Variants in RANBP2 observed in about 807,000 individuals in gnomAD.
RANBP2 encodes E3 SUMO-protein ligase RanBP2.
In RANBP2, 57 loss-of-function variants were observed where a neutral mutation model predicts 303.6. The ratio of observed to expected loss-of-function variants is 0.19; its 90% confidence interval spans 0.15 to 0.23. The LOEUF (loss-of-function observed/expected upper bound fraction) is 0.23, where lower values mean the gene tolerates loss of function less well. Ranked by LOEUF, RANBP2 falls within the 10% of genes least tolerant of loss-of-function variation. RANBP2 has a pLI of 1.00. For missense variants in RANBP2, 3,138 were observed against 3,780.8 expected (o/e 0.83, Z 4.46); for synonymous variants, 1,167 against 1,301.5 (o/e 0.90, Z 2.23).
At chr2:109,225,100 T>G in the RANBP2 span, among the ~76,000 whole-genome samples, 3 of 152,176 alleles carry the variant, frequency 2.0e-5, no homozygotes, top group African/African-American at 7.2e-5. Flanking sequence ...CCAACTAAGC[T>G]GGATGACACC....
At chr2:108,862,076 A>AC in the RANBP2 span, among the ~76,000 whole-genome samples, 6 of 50,464 alleles carry the variant, frequency 1.2e-4, no homozygotes, top group Admixed American at 3.2e-4. Flanking sequence ...GTATGATTTC[A>AC]GTTTTTTTTT....
the RANBP2 span, chr2:109,564,508 C>A: frequency 6.5e-7 from 1 of 1,547,336 alleles, no homozygotes; most frequent in Admixed American, 1.8e-5. Flanking sequence ...CGCAGCTTTA[C>A]AAAGTCACAG....
At chr2:109,114,053 A>T in the RANBP2 span, among the ~76,000 whole-genome samples, 1 of 152,010 alleles carries the variant, frequency 6.6e-6, no homozygotes, top group Non-Finnish European at 1.5e-5. Flanking sequence ...TTTATTGAGG[A>T]TTTTTGCATC....
At chr2:108,936,632 C>T in the RANBP2 span, among the ~76,000 whole-genome samples, 2 of 152,200 alleles carry the variant, frequency 1.3e-5, no homozygotes, top group Non-Finnish European at 2.9e-5. Context: ...CACTTCCCAT[C>T]AACCCAGACA....
chr2:108,873,273 G>A, the RANBP2 span: 4 of 210,080 alleles, frequency 1.9e-5, no homozygotes, highest in Admixed American at 8.2e-5. Flanking sequence ...TTGAATAAGA[G>A]CCAGTGGATG....
At chr2:108,965,452 G>T in the RANBP2 span, among the ~76,000 whole-genome samples, 2 of 128,250 alleles carry the variant, frequency 1.6e-5, no homozygotes, top group African/African-American at 6.0e-5. Context: ...GAGACAGAGC[G>T]AGATTTCGTC....
At chr2:109,714,990 G>A in the RANBP2 span, among the ~76,000 whole-genome samples, 2 of 150,338 alleles carry the variant, frequency 1.3e-5, no homozygotes, top group African/African-American at 2.4e-5. Flanking sequence ...GGGGCGGGGC[G>A]TGGAGTTTCG....
At chr2:108,874,392 C>T in the RANBP2 span, among the ~76,000 whole-genome samples, 2 of 152,130 alleles carry the variant, frequency 1.3e-5, no homozygotes, top group African/African-American at 4.8e-5. Context: ...AGTTACTAAA[C>T]TATAAATAAG....
intron 7 of RANBP2, among the ~76,000 whole-genome samples, chr2:108,744,436 A>C (rs1362166374): frequency 6.6e-6 from 1 of 151,770 alleles, no homozygotes; most frequent in Non-Finnish European, 1.5e-5. Flanking sequence ...GTGAATTGAG[A>C]TGATTTGATT....
chr2:109,362,406 T>C, the RANBP2 span, among the ~76,000 whole-genome samples: 1 of 152,248 alleles, frequency 6.6e-6, no homozygotes, highest in Non-Finnish European at 1.5e-5. Flanking sequence ...TCTAATTTAA[T>C]GCTATTGTGG....
chr2:109,725,741 T>C, the RANBP2 span, among the ~76,000 whole-genome samples: 4 of 152,140 alleles, frequency 2.6e-5, no homozygotes, highest in Non-Finnish European at 5.9e-5. Flanking sequence ...TTTTCTTTTT[T>C]TTCTTTTTTG....
the RANBP2 span, among the ~76,000 whole-genome samples, chr2:109,495,113 A>G: frequency 6.6e-6 from 1 of 152,236 alleles, no homozygotes; most frequent in African/African-American, 2.4e-5. Context: ...TCCTTCCAAG[A>G]GGACCTCATC....
chr2:109,495,730 G>T, the RANBP2 span, among the ~76,000 whole-genome samples: 64 of 152,130 alleles, frequency 4.2e-4, no homozygotes, highest in African/African-American at 1.5e-3. Context: ...GGCCACAAGT[G>T]ATCCGCCCAC....
At chr2:108,984,010 C>T in the RANBP2 span, among the ~76,000 whole-genome samples, 1 of 152,196 alleles carries the variant, frequency 6.6e-6, no homozygotes, top group African/African-American at 2.4e-5. Context: ...ATGTCTGTTG[C>T]TAAGTGTTCT....
chr2:109,336,055 G>A, the RANBP2 span, among the ~76,000 whole-genome samples: 2 of 152,266 alleles, frequency 1.3e-5, no homozygotes, highest in Non-Finnish European at 2.9e-5. Context: ...AGCGTAGAAG[G>A]CATTCCTCTC....
the RANBP2 span, among the ~76,000 whole-genome samples, chr2:109,307,141 C>A: frequency 6.6e-6 from 1 of 152,094 alleles, no homozygotes; most frequent in Non-Finnish European, 1.5e-5. Flanking sequence ...ATAAAAAGTA[C>A]CTGTTGTACT....
At chr2:109,297,619 T>C in the RANBP2 span, among the ~76,000 whole-genome samples, 1 of 104,384 alleles carries the variant, frequency 9.6e-6, no homozygotes, top group African/African-American at 3.8e-5. Context: ...GTCAGTACCC[T>C]CTACCCAGGC....
At chr2:108,959,254 G>A in the RANBP2 span, among the ~76,000 whole-genome samples, 1 of 152,222 alleles carries the variant, frequency 6.6e-6, no homozygotes, top group Non-Finnish European at 1.5e-5. Context: ...AGGGGCTGAT[G>A]ATGGCCTATG....
At chr2:109,031,404 G>A in the RANBP2 span, among the ~76,000 whole-genome samples, 1 of 152,290 alleles carries the variant, frequency 6.6e-6, no homozygotes, top group South Asian at 2.1e-4. Flanking sequence ...AAGGTTATCA[G>A]CCCCGTTCCC....
Sources: gnomAD v4.1 joint callset for allele counts (sites outside exome capture counted in the v4.1 genomes callset) on GRCh38, gnomAD v4.1.1 for gene constraint, MANE v1.5 for transcripts, NCBI Gene and HGNC (gene_info 2026-07-23, HGNC 2026-07-21) for gene names.